NAALADL2: variants seen among roughly 807,000 people sequenced by gnomAD.
NAALADL2 encodes the protein N-acetylated alpha-linked acidic dipeptidase like 2, also known as inactive N-acetylated-alpha-linked acidic dipeptidase-like protein 2.
In NAALADL2, 76 loss-of-function variants were observed where a neutral mutation model predicts 87.2. The observed-to-expected ratio is 0.87, with a 90% CI of 0.72 to 1.05. The LOEUF (loss-of-function observed/expected upper bound fraction) is 1.05, where lower values mean the gene tolerates loss of function less well. NAALADL2 is among the 50% of genes least tolerant of loss of function. The pLI, the probability that NAALADL2 is intolerant of heterozygous loss-of-function variation, is 0.00. For synonymous variants in NAALADL2, 354 were observed against 331.0 expected (o/e 1.07, Z -0.75); for missense variants, 1,089 against 945.8 (o/e 1.15, Z -1.99).
chr3:174,486,999 T>A (rs2108341504), intron 1 of NAALADL2, among the ~76,000 whole-genome samples: 1 of 152,008 alleles, frequency 6.6e-6, no homozygotes, highest in South Asian at 2.1e-4. Flanking sequence ...TCAGAGGCCT[T>A]TTTTGGTGTT....
intron 2 of NAALADL2, among the ~76,000 whole-genome samples, chr3:175,166,627 C>T (rs560895113): frequency 6.6e-6 from 1 of 152,002 alleles, no homozygotes; most frequent in South Asian, 2.1e-4. Flanking sequence ...ATATCCTCTC[C>T]TTTACTACTG....
intron 1 of NAALADL2, among the ~76,000 whole-genome samples, chr3:174,927,039 A>T (rs1291998121): frequency 6.6e-6 from 1 of 152,046 alleles, no homozygotes; most frequent in Non-Finnish European, 1.5e-5. Context: ...GAAAAAAAAA[A>T]AAAAGGCAGG....
chr3:174,526,911 A>C (rs1407450160), intron 1 of NAALADL2, among the ~76,000 whole-genome samples: 1 of 152,010 alleles, frequency 6.6e-6, no homozygotes, highest in Non-Finnish European at 1.5e-5. Context: ...TCCTGACCTT[A>C]AGTGATCCAT....
chr3:174,846,138 A>C (rs1460568961), intron 3 of NAALADL2, among the ~76,000 whole-genome samples: 3 of 152,150 alleles, frequency 2.0e-5, no homozygotes, highest in East Asian at 1.9e-4. Flanking sequence ...GGGACCACCA[A>C]GGGTCTCTAG....
chr3:174,882,813 A>G (rs1729553998), intron 1 of NAALADL2, among the ~76,000 whole-genome samples: 1 of 136,050 alleles, frequency 7.4e-6, no homozygotes, highest in South Asian at 2.1e-4. Flanking sequence ...GTATATGTGC[A>G]TATGTGTATA....
intron 3 of NAALADL2, among the ~76,000 whole-genome samples, chr3:174,842,958 T>C (rs1385251493): frequency 6.6e-6 from 1 of 152,184 alleles, no homozygotes; most frequent in Admixed American, 6.5e-5. Flanking sequence ...CTGAGTTACT[T>C]TCTTTTCAAT....
At chr3:174,584,024 G>A (rs1716437720) in intron 2 of NAALADL2, among the ~76,000 whole-genome samples, 1 of 151,958 alleles carries the variant, frequency 6.6e-6, no homozygotes, top group Admixed American at 6.6e-5. Context: ...TATCTAAAAA[G>A]GGCATATTTT....
intron 1 of NAALADL2, among the ~76,000 whole-genome samples, chr3:174,457,824 A>C (rs2108285872): frequency 6.6e-6 from 1 of 152,268 alleles, no homozygotes; most frequent in Non-Finnish European, 1.5e-5. Context: ...AAAACAAAAA[A>C]AAAAAGAGGT....
At chr3:174,745,719 A>C (rs187888605) in intron 3 of NAALADL2, among the ~76,000 whole-genome samples, 2 of 152,332 alleles carry the variant, frequency 1.3e-5, no homozygotes, top group Admixed American at 6.5e-5. Context: ...CGAATCCAGC[A>C]GTGCATCAAA....
At chr3:175,251,687 A>T (rs1220615518) in intron 3 of NAALADL2, among the ~76,000 whole-genome samples, 1 of 152,258 alleles carries the variant, frequency 6.6e-6, no homozygotes, top group Non-Finnish European at 1.5e-5. Flanking sequence ...ATTTTATCAT[A>T]TCATTGTATA....
chr3:175,423,353 T>A (rs1476475635), intron 5 of NAALADL2, among the ~76,000 whole-genome samples: 3 of 151,526 alleles, frequency 2.0e-5, no homozygotes, highest in African/African-American at 7.3e-5. Flanking sequence ...GCCATGTTGG[T>A]GTGCTGCACC....
chr3:175,639,646 T>G (rs1180722872), intron 11 of NAALADL2, among the ~76,000 whole-genome samples: 2 of 152,172 alleles, frequency 1.3e-5, no homozygotes, highest in African/African-American at 4.8e-5. Flanking sequence ...ATACAGAGAA[T>G]AGGGAACACT....
At chr3:175,588,534 CTTTTTTTTTT>C (rs1168817019) in intron 10 of NAALADL2, among the ~76,000 whole-genome samples, 4 of 78,142 alleles carry the variant, frequency 5.1e-5, no homozygotes, top group Admixed American at 5.0e-4. Context: ...TCTTTCTTTT[CTTTTTTTTTT>C]TTTTTTTTTT....
At chr3:174,822,237 C>A (rs1721509650) in intron 3 of NAALADL2, among the ~76,000 whole-genome samples, 1 of 151,910 alleles carries the variant, frequency 6.6e-6, no homozygotes, top group East Asian at 1.9e-4. Flanking sequence ...AGCGGATAGA[C>A]CCTGAGTGGG....
rs1251768721 is a variant in NAALADL2, at chr3:175,722,944, T to C, written c.1897-14362T>C. On this transcript the variant is annotated intron_variant, in intron 11 of 13. Transcript: ENST00000454872. ...ACAATGATGCACAGTGTAGTGTTTC[T>C]AATTTTCCTGAGGATCTAAACGTAC... Among the ~76,000 whole-genome samples the C allele has an allele frequency of 3.9e-5, 6 of 152,132 alleles. 1 individual carries two copies. The highest frequency in any genetic ancestry group is 3.9e-4 in the Admixed American group (6 of 15,238).
At chr3:174,642,457 C>T (rs184266842) in intron 2 of NAALADL2, among the ~76,000 whole-genome samples, 55 of 149,920 alleles carry the variant, frequency 3.7e-4, no homozygotes, top group Non-Finnish European at 7.4e-5. Context: ...GCTGAGATCG[C>T]GCCACTGCAT....
chr3:175,323,473 A>AATC (rs1239056005), intron 4 of NAALADL2, among the ~76,000 whole-genome samples: 1 of 151,906 alleles, frequency 6.6e-6, no homozygotes, highest in Non-Finnish European at 1.5e-5. Context: ...ATGTACCCTA[A>AATC]ATCTTAAAGT....
intron 2 of NAALADL2, among the ~76,000 whole-genome samples, chr3:175,180,790 T>C (rs908485886): frequency 4.6e-5 from 7 of 151,822 alleles, no homozygotes; most frequent in African/African-American, 1.7e-4. Context: ...GTTATGTTGC[T>C]GGCACTTCTC....
Position 175,806,596 on chromosome 3 carries a change from C to T in NAALADL2, c.*3393C>T, listed in dbSNP as rs1230602022. The T allele has an allele frequency of 1.3e-5, 2 of 151,452 alleles. No homozygotes were observed. The highest frequency in any genetic ancestry group is 4.8e-5 in the African/African-American group (2 of 41,254). 9.4% of individuals were successfully genotyped at this position (151,452 alleles called of 1,614,324 possible). Reference sequence around the variant, plus strand: ...ATCATTATGAGAAAAGAAAAGTGGACCCATTTTATCTCTAAGAAAACAATT... The same window carrying T: ...ATCATTATGAGAAAAGAAAAGTGGATCCATTTTATCTCTAAGAAAACAATT... On this transcript the variant is annotated 3_prime_UTR_variant, in exon 14 of 14. Transcript: ENST00000454872.
Sources: gnomAD v4.1 joint callset for allele counts (sites outside exome capture counted in the v4.1 genomes callset) on GRCh38, gnomAD v4.1.1 for gene constraint, MANE v1.5 for transcripts, NCBI Gene and HGNC (gene_info 2026-07-23, HGNC 2026-07-21) for gene names.